TNFSF4: variants seen among roughly 807,000 people sequenced by gnomAD.
TNFSF4 encodes tumor necrosis factor ligand superfamily member 4.
A neutral mutation model predicts 7.3 loss-of-function variants in TNFSF4; 4 were observed. That is an observed-to-expected ratio of 0.55 (90% CI 0.27 to 1.25). The LOEUF (loss-of-function observed/expected upper bound fraction) is 1.25. TNFSF4 is among the 50% of genes most tolerant of loss of function. TNFSF4 has a pLI of 0.12. For missense variants in TNFSF4, 181 were observed against 208.8 expected (o/e 0.87, Z 0.82); for synonymous variants, 76 against 83.7 (o/e 0.91, Z 0.50).
the TNFSF4 span, among the ~76,000 whole-genome samples, chr1:173,329,831 A>G: frequency 6.6e-6 from 1 of 152,096 alleles, no homozygotes; most frequent in Admixed American, 6.6e-5. Context: ...ACCACAAAAA[A>G]AGAAAAAAAA....
chr1:173,309,635 AT>A, the TNFSF4 span, among the ~76,000 whole-genome samples: 1 of 151,198 alleles, frequency 6.6e-6, no homozygotes, highest in Non-Finnish European at 1.5e-5. Flanking sequence ...TTAGCTTGTG[AT>A]TTTTTTTCCT....
chr1:173,225,421 G>A, the TNFSF4 span, among the ~76,000 whole-genome samples: 1 of 151,962 alleles, frequency 6.6e-6, no homozygotes. Context: ...CTCATTTTGG[G>A]ACAAACTTTT....
rs570406465 is a variant in TNFSF4 at position 173,183,878 on chromosome 1, T to A, written c.*2638A>T. The A allele has an allele frequency of 6.6e-6, 1 of 152,224 alleles. No homozygotes were observed. The highest frequency in any genetic ancestry group is 2.4e-5 in the African/African-American group (1 of 41,458). The allele number at this position is 152,224 out of a possible 1,614,324, so 9.4% of individuals were successfully genotyped here. ...CTTAAAATAGGGGACCTGCCCAGTA[T>A]ACTTAAGAACAAATTATGATTTGGA... On this transcript the variant is annotated 3_prime_UTR_variant, in exon 3 of 3. Transcript: ENST00000281834.
In TNFSF4 at chr1:173,188,537, G is replaced by A. The variant is rs141837753; in HGVS notation, c.186C>T (p.Ile62=). 495 of 1,612,050 alleles carry A rather than the reference G, an allele frequency of 3.1e-4. 3 individuals carry two copies. The African/African-American group carries it at 5.5e-3, about 18-fold the overall frequency. The change falls in exon 2 of 3, where the codon ATC becomes ATT. Residue 62 remains isoleucine, a synonymous_variant. Coordinates refer to ENST00000281834, the MANE Select transcript of TNFSF4 (RefSeq NM_003326.5). ...AATACTTACCGGTAAATTGTACTTT[G>A]ATACTTTGAATTCGAGGATACCGAT... is the stretch of plus-strand genomic sequence containing the variant. ...VSHRYPRIQS[I]KVQFTEYKKE... is the part of the protein sequence containing the mutation.
the TNFSF4 span, among the ~76,000 whole-genome samples, chr1:173,419,790 G>A: frequency 6.6e-6 from 1 of 152,118 alleles, no homozygotes; most frequent in East Asian, 1.9e-4. Flanking sequence ...CTGCTATAAT[G>A]GACTTATGGG....
the TNFSF4 span, among the ~76,000 whole-genome samples, chr1:173,219,542 G>A: frequency 6.6e-6 from 1 of 152,058 alleles, no homozygotes; most frequent in Non-Finnish European, 1.5e-5. Flanking sequence ...TCTCCCCACA[G>A]GAAAAGAAGT....
the TNFSF4 span, among the ~76,000 whole-genome samples, chr1:173,307,774 G>A: frequency 2.6e-5 from 4 of 151,890 alleles, no homozygotes; most frequent in Admixed American, 6.6e-5. Context: ...GATCTGGAAA[G>A]GGAGTGCAGA....
At chr1:173,380,711 T>C in the TNFSF4 span, among the ~76,000 whole-genome samples, 1 of 152,074 alleles carries the variant, frequency 6.6e-6, no homozygotes, top group African/African-American at 2.4e-5. Flanking sequence ...CAATTTTTTC[T>C]CCAACGGGAA....
the TNFSF4 span, among the ~76,000 whole-genome samples, chr1:173,255,653 A>G: frequency 6.6e-6 from 1 of 152,252 alleles, no homozygotes; most frequent in African/African-American, 2.4e-5. Context: ...ACTGTTGACT[A>G]GTTAGACACA....
At chr1:173,227,791 C>T in the TNFSF4 span, among the ~76,000 whole-genome samples, 1 of 152,234 alleles carries the variant, frequency 6.6e-6, no homozygotes, top group African/African-American at 2.4e-5. Flanking sequence ...GAGATTATAT[C>T]CCACGCATGG....
At chr1:173,233,809 A>G in the TNFSF4 span, among the ~76,000 whole-genome samples, 8 of 152,352 alleles carry the variant, frequency 5.3e-5, no homozygotes, top group South Asian at 1.7e-3. Context: ...AGATGGATTA[A>G]AGACTTACAT....
the TNFSF4 span, among the ~76,000 whole-genome samples, chr1:173,375,553 T>C: frequency 6.6e-6 from 1 of 151,968 alleles, no homozygotes; most frequent in Non-Finnish European, 1.5e-5. Context: ...CAATCAGCAC[T>C]CTGTAGCTAG....
At chr1:173,421,711 C>G in the TNFSF4 span, among the ~76,000 whole-genome samples, 64 of 151,848 alleles carry the variant, frequency 4.2e-4, no homozygotes, top group African/African-American at 1.4e-3. Flanking sequence ...ATTTTTTTCC[C>G]CACTGATATT....
At chr1:173,385,139 T>C in the TNFSF4 span, among the ~76,000 whole-genome samples, 1 of 152,206 alleles carries the variant, frequency 6.6e-6, no homozygotes, top group Non-Finnish European at 1.5e-5. Flanking sequence ...AGTAAGACAA[T>C]GAATCCTTTA....
chr1:173,189,211 T>A (rs1449737436), intron 1 of TNFSF4, among the ~76,000 whole-genome samples: 2 of 152,184 alleles, frequency 1.3e-5, no homozygotes, highest in Non-Finnish European at 2.9e-5. Flanking sequence ...CCATTTTGGA[T>A]AACGTAGCAC....
chr1:173,406,287 C>T, the TNFSF4 span, among the ~76,000 whole-genome samples: 8 of 152,278 alleles, frequency 5.3e-5, no homozygotes, highest in East Asian at 1.2e-3. Flanking sequence ...TTTGAGTAAA[C>T]AGGTCATCAT....
chr1:173,292,753 C>T, the TNFSF4 span, among the ~76,000 whole-genome samples: 3 of 152,004 alleles, frequency 2.0e-5, no homozygotes, highest in African/African-American at 7.2e-5. Flanking sequence ...ACCCCAAAGA[C>T]TCTGCCAAAA....
At chr1:173,297,131 C>A in the TNFSF4 span, among the ~76,000 whole-genome samples, 1 of 151,882 alleles carries the variant, frequency 6.6e-6, no homozygotes, top group Non-Finnish European at 1.5e-5. Context: ...ACAGAAAATA[C>A]AGGGAAGAGT....
At chr1:173,194,018 G>A (rs1402359488) in intron 1 of TNFSF4, among the ~76,000 whole-genome samples, 1 of 152,204 alleles carries the variant, frequency 6.6e-6, no homozygotes, top group Non-Finnish European at 1.5e-5. Context: ...AAAGGTCTGG[G>A]TAGATCAAGG....
Sources: allele counts gnomAD v4.1 joint callset (sites outside exome capture counted in the v4.1 genomes callset), GRCh38; gene constraint gnomAD v4.1.1; transcripts MANE v1.5; gene names NCBI Gene and HGNC (gene_info 2026-07-23, HGNC 2026-07-21).